Variants in CD82 observed in about 807,000 individuals in gnomAD.
CD82 encodes CD82 molecule.
In CD82, 36 loss-of-function variants were observed where a neutral mutation model predicts 37.4. The ratio of observed to expected loss-of-function variants is 0.96; its 90% CI spans 0.74 to 1.27. The LOEUF (loss-of-function observed/expected upper bound fraction) is 1.27, where lower values mean the gene tolerates loss of function less well. Ranked by LOEUF, CD82 falls within the 50% of genes most tolerant of loss-of-function variation. The probability of loss-of-function intolerance (pLI) is 0.00; values close to 1 mark genes in which losing one functional copy is unlikely to be tolerated. For missense variants in CD82, 340 were observed against 347.0 expected, an observed-to-expected ratio of 0.98 and a Z score of 0.16; for synonymous variants, 158 against 137.4, an observed-to-expected ratio of 1.15 and a Z score of -1.05.
intron 2 of CD82, among the ~76,000 whole-genome samples, chr11:44,588,504 G>A (rs1013651201): frequency 1.3e-5 from 2 of 152,224 alleles, no homozygotes; most frequent in Admixed American, 1.3e-4. Flanking sequence ...TTACAGGCTT[G>A]AGCCACCGTA....
Position 44,620,006 on chromosome 11 carries a change from C to G in CD82, c.*880C>G, listed in dbSNP as rs1853641000. The stretch of plus-strand genomic sequence containing the variant: ...GGTCCATCTAGACAGCTCAGATTAG[C>G]CTAGGCCATGCCCTAGGGACACGGC... On this transcript the variant is annotated 3_prime_UTR_variant, in exon 10 of 10. Coordinates refer to ENST00000227155, the MANE Select transcript of CD82 (RefSeq NM_002231.4). 1 of 151,740 alleles carries G rather than the reference C, an allele frequency of 6.6e-6. No individual in the cohort carries two copies. Among genetic ancestry groups the G allele is most frequent in the Non-Finnish European group, 1.5e-5 (1 of 68,026 alleles). 9.4% of individuals were successfully genotyped at this position (151,740 alleles called of 1,614,324 possible). A position where few individuals can be genotyped will look rare whatever the true frequency, so the allele number is the denominator to read the frequency against.
chr11:44,604,988 G>C, intron 4 of CD82, 70 bp from the exon 5 acceptor site: 1 of 1,605,718 alleles, frequency 6.2e-7, no homozygotes, highest in Non-Finnish European at 8.5e-7. Context: ...TCCGGAAGAA[G>C]ACCTGGACGG....
At chr11:44,596,246 G>A (rs1853225058) in intron 3 of CD82, among the ~76,000 whole-genome samples, 1 of 152,268 alleles carries the variant, frequency 6.6e-6, no homozygotes, top group Non-Finnish European at 1.5e-5. Context: ...GCAGCTGCCT[G>A]TGCAGGCAAA....
intron 2 of CD82, among the ~76,000 whole-genome samples, chr11:44,592,182 A>T (rs1853154891): frequency 6.6e-6 from 1 of 152,008 alleles, no homozygotes; most frequent in Admixed American, 6.6e-5. Context: ...TGAGCAGAGG[A>T]TGTGTGAGCT....
rs749820676 is a variant in CD82, at chr11:44,618,307, C to T, written c.584C>T (p.Ala195Val). ...SLSVRKGFCE[A>V]PGNRTQSGNH... The stretch of plus-strand genomic sequence containing the variant: ...TCTGTGAGGAAGGGCTTCTGCGAGG[C>T]CCCCGGCAACAGGACCCAGAGTGGC... Residue 195 changes from alanine to valine, a missense_variant, in exon 8 of 10, where the codon GCC becomes GTC. Transcript: ENST00000227155. The T allele has an allele frequency of 1.8e-5, 29 of 1,613,722 alleles. No individual in the cohort carries two copies. Among genetic ancestry groups the T allele is most frequent in the South Asian group, 1.1e-4 (10 of 91,076 alleles).
chr11:44,571,978 T>C (rs952090252), intron 1 of CD82, among the ~76,000 whole-genome samples: 1 of 152,250 alleles, frequency 6.6e-6, no homozygotes, highest in Admixed American at 6.5e-5. Context: ...ACTTGCTGTG[T>C]TATCTTGGGT....
chr11:44,566,540 G>A (rs1281788525), intron 1 of CD82, among the ~76,000 whole-genome samples: 1 of 152,212 alleles, frequency 6.6e-6, no homozygotes, highest in Non-Finnish European at 1.5e-5. Flanking sequence ...CAGTAGCGGG[G>A]CAGCATAGTT....
At chr11:44,576,540 C>T (rs969827632) in intron 1 of CD82, among the ~76,000 whole-genome samples, 4 of 152,130 alleles carry the variant, frequency 2.6e-5, no homozygotes, top group African/African-American at 4.8e-5. Flanking sequence ...CCGCCATCCA[C>T]GCAGAGACGG....
chr11:44,597,260 G>C lies in CD82; in HGVS notation c.63+2535G>C, dbSNP rs1853242633. On this transcript the variant is annotated intron_variant, in intron 3 of 9. Transcript: ENST00000227155. The surrounding 1 kb of genome is among the most constrained non-coding windows in gnomAD (Gnocchi z 4.1). The stretch of plus-strand genomic sequence containing the variant: ...ATTGCCACTTTTCTCAGGTCCAAAG[G>C]AATGCAGAGGCACTGGTGCTGTGGC... 6.6e-6 allele frequency among the ~76,000 whole-genome samples: 1 copy of C among 152,224 alleles called. No homozygotes were observed.
At chr11:44,570,055 A>G (rs1000502524) in intron 1 of CD82, among the ~76,000 whole-genome samples, 1 of 152,234 alleles carries the variant, frequency 6.6e-6, no homozygotes, top group Non-Finnish European at 1.5e-5. Flanking sequence ...TCAGGCCCCC[A>G]GGGACACTCC....
intron 1 of CD82, among the ~76,000 whole-genome samples, chr11:44,580,023 A>G (rs776019436): frequency 3.2e-4 from 48 of 152,194 alleles, no homozygotes; most frequent in Non-Finnish European, 4.9e-4. Flanking sequence ...AGACAGAGAT[A>G]GGGACCCTCA....
At chr11:44,576,566 A>G (rs1409824442) in intron 1 of CD82, among the ~76,000 whole-genome samples, 2 of 152,132 alleles carry the variant, frequency 1.3e-5, no homozygotes, top group Non-Finnish European at 2.9e-5. Context: ...CCAAGGGTCA[A>G]AGCTCTCTTG....
At chr11:44,565,372 G>A (rs1262064401), upstream of CD82, among the ~76,000 whole-genome samples, 1 of 152,212 alleles carries the variant, frequency 6.6e-6, no homozygotes, top group African/African-American at 2.4e-5. Context: ...GACAGGGCTG[G>A]AGCGGGGCGG....
chr11:44,582,870 C>T (rs576457002), intron 1 of CD82, among the ~76,000 whole-genome samples: 1 of 152,348 alleles, frequency 6.6e-6, no homozygotes, highest in African/African-American at 2.4e-5. Flanking sequence ...TTCTATCTGT[C>T]CATCCCAGTG....
chr11:44,595,503 T>TAA (rs34679456), intron 3 of CD82, among the ~76,000 whole-genome samples: 1 of 151,456 alleles, frequency 6.6e-6, no homozygotes, highest in Non-Finnish European at 1.5e-5. Context: ...CCTATAGTGT[T>TAA]AAAAAAAAAT....
At chr11:44,584,194 G>A (rs534713806) in intron 1 of CD82, among the ~76,000 whole-genome samples, 37 of 152,302 alleles carry the variant, frequency 2.4e-4, no homozygotes, top group African/African-American at 8.7e-4. Flanking sequence ...TGTTAGAGGT[G>A]GGAATGTTGG....
intron 6 of CD82, among the ~76,000 whole-genome samples, chr11:44,611,047 C>A (rs1372162234): frequency 6.6e-6 from 1 of 152,192 alleles, no homozygotes; most frequent in Non-Finnish European, 1.5e-5. Context: ...GTTGGCCAGA[C>A]TGAACTCGAA....
chr11:44,593,798 A>G (rs953484436), intron 2 of CD82, among the ~76,000 whole-genome samples: 2 of 152,130 alleles, frequency 1.3e-5, no homozygotes, highest in African/African-American at 2.4e-5. Context: ...CAAAATGCTA[A>G]CTACACATGA....
intron 2 of CD82, among the ~76,000 whole-genome samples, chr11:44,591,302 C>G (rs1179512491): frequency 6.6e-6 from 1 of 152,168 alleles, no homozygotes; most frequent in Non-Finnish European, 1.5e-5. Flanking sequence ...GGCTCCTTCT[C>G]CCCTCTGTGC....
Sources: allele counts gnomAD v4.1 joint callset (sites outside exome capture counted in the v4.1 genomes callset), GRCh38; gene constraint gnomAD v4.1.1; non-coding constraint Gnocchi (gnomAD v3.1); transcripts MANE v1.5; gene names NCBI Gene and HGNC (gene_info 2026-07-23, HGNC 2026-07-21).